The following RMST variants were observed in gnomAD, a reference collection of about 807,000 sequenced individuals.
RMST encodes rhabdomyosarcoma 2 associated transcript.
chr12:97,563,987 G>A (rs764276266), intron 13 of RMST: 4 of 425,522 alleles, frequency 9.4e-6, no homozygotes, highest in Admixed American at 2.7e-5. Flanking sequence ...AAGATTTAGT[G>A]TATAGCTCTG....
chr12:97,559,489 TC>T (rs552091483), intron 11 of RMST, among the ~76,000 whole-genome samples: 2 of 151,988 alleles, frequency 1.3e-5, no homozygotes, highest in African/African-American at 2.4e-5. Flanking sequence ...CCTGTGGGAT[TC>T]CCCCCACCCC....
chr12:97,556,052 C>T (rs1222894857), intron 11 of RMST, among the ~76,000 whole-genome samples: 1 of 152,196 alleles, frequency 6.6e-6, no homozygotes, highest in East Asian at 1.9e-4. Flanking sequence ...TTTCCACTTA[C>T]TGCTCCCTTG....
intron 5 of RMST, among the ~76,000 whole-genome samples, chr12:97,468,724 A>C (rs1873515364): frequency 6.6e-6 from 1 of 152,046 alleles, no homozygotes; most frequent in South Asian, 2.1e-4. Flanking sequence ...AGATCCTAAA[A>C]CATGCAGAAT....
chr12:97,517,364 G>T (rs1277683443), intron 10 of RMST, among the ~76,000 whole-genome samples: 1 of 151,744 alleles, frequency 6.6e-6, no homozygotes, highest in Non-Finnish European at 1.5e-5. Flanking sequence ...AGTTTATTAA[G>T]TTATAGAAGA....
At chr12:97,489,096 A>C (rs1306354252) in intron 5 of RMST, among the ~76,000 whole-genome samples, 4 of 152,196 alleles carry the variant, frequency 2.6e-5, no homozygotes, top group Non-Finnish European at 5.9e-5. Context: ...ATTATGATAT[A>C]AAAACAATTA....
At chr12:97,522,452 A>T (rs1880613393) in intron 10 of RMST, among the ~76,000 whole-genome samples, 1 of 152,186 alleles carries the variant, frequency 6.6e-6, no homozygotes, top group Admixed American at 6.5e-5. Flanking sequence ...CTAGCTATGA[A>T]CTGCCATTAA....
chr12:97,488,559 A>G (rs1876389243), intron 5 of RMST, among the ~76,000 whole-genome samples: 1 of 152,172 alleles, frequency 6.6e-6, no homozygotes, highest in African/African-American at 2.4e-5. Flanking sequence ...CTTCACTGCT[A>G]GCTCCTTGGG....
intron 11 of RMST, among the ~76,000 whole-genome samples, chr12:97,553,572 G>T (rs1408768104): frequency 6.6e-6 from 1 of 152,154 alleles, no homozygotes; most frequent in Non-Finnish European, 1.5e-5. Context: ...CAGGTGTGTT[G>T]TGGTCATGCC....
chr12:97,495,323 T>C (rs1490629413), intron 9 of RMST, among the ~76,000 whole-genome samples: 2 of 152,002 alleles, frequency 1.3e-5, no homozygotes, highest in East Asian at 3.9e-4. Context: ...GACATGAGGA[T>C]TGTGAGATAA....
chr12:97,492,097 G>C, intron 5 of RMST: 1 of 416,900 alleles, frequency 2.4e-6, no homozygotes, highest in African/African-American at 2.0e-5. Flanking sequence ...AGTGAAACAA[G>C]AGCTTAAATT....
intron 5 of RMST, among the ~76,000 whole-genome samples, chr12:97,470,924 G>A (rs915876039): frequency 3.9e-5 from 6 of 151,944 alleles, no homozygotes; most frequent in African/African-American, 7.2e-5. Context: ...AATAAAAGCC[G>A]AATTCAACAT....
At chr12:97,554,794 A>G (rs1883580475) in intron 11 of RMST, among the ~76,000 whole-genome samples, 1 of 152,214 alleles carries the variant, frequency 6.6e-6, no homozygotes, top group African/African-American at 2.4e-5. Context: ...ATTATGGAAT[A>G]CAATTTAAAA....
chr12:97,491,208 G>T (rs548770975), intron 5 of RMST, among the ~76,000 whole-genome samples: 21 of 152,308 alleles, frequency 1.4e-4, no homozygotes, highest in African/African-American at 5.1e-4. Context: ...GAACTCTGCA[G>T]CTCACCTATG....
At chr12:97,503,943 T>TGA (rs1878381171) in intron 10 of RMST, among the ~76,000 whole-genome samples, 2 of 152,154 alleles carry the variant, frequency 1.3e-5, no homozygotes, top group Admixed American at 1.3e-4. Context: ...TCTTCTTTTC[T>TGA]GAGAGAGAGT....
At chr12:97,510,500 T>A (rs1306007181) in intron 10 of RMST, among the ~76,000 whole-genome samples, 1 of 152,186 alleles carries the variant, frequency 6.6e-6, no homozygotes, top group Non-Finnish European at 1.5e-5. Flanking sequence ...GAAAGTAAAT[T>A]TTCATGATAG....
chr12:97,508,305 A>T (rs1176104915), intron 10 of RMST, among the ~76,000 whole-genome samples: 2 of 152,174 alleles, frequency 1.3e-5, no homozygotes, highest in Non-Finnish European at 2.9e-5. Flanking sequence ...GAAGAGAAAC[A>T]CTAATGAAAC....
At chr12:97,558,870 C>A (rs757714547) in intron 11 of RMST, among the ~76,000 whole-genome samples, 3 of 152,062 alleles carry the variant, frequency 2.0e-5, no homozygotes, top group South Asian at 4.1e-4. Flanking sequence ...TGTTCCCAGG[C>A]GTAACAGAAG....
chr12:97,561,125 A>T (rs1011311724), intron 13 of RMST: 1 of 152,240 alleles, frequency 6.6e-6, no homozygotes, highest in African/African-American at 2.4e-5. Flanking sequence ...ACTATCATAC[A>T]TGTATTTCCT....
chr12:97,521,301 G>T (rs1880483750), intron 10 of RMST, among the ~76,000 whole-genome samples: 1 of 152,050 alleles, frequency 6.6e-6, no homozygotes, highest in Non-Finnish European at 1.5e-5. Flanking sequence ...AATAATTTCA[G>T]CTGAGCATAA....
Sources: allele counts gnomAD v4.1 joint callset (sites outside exome capture counted in the v4.1 genomes callset), GRCh38; gene constraint gnomAD v4.1.1; transcripts MANE v1.5; gene names NCBI Gene and HGNC (gene_info 2026-07-23, HGNC 2026-07-21).